AMPH: variants seen among roughly 807,000 people sequenced by gnomAD.
The protein encoded by AMPH is amphiphysin (Stiff-Mann syndrome with breast cancer 128kD autoantigen).
In AMPH, 49 loss-of-function variants were observed where a neutral mutation model predicts 99.1. That is an observed-to-expected ratio of 0.49 (90% CI 0.39 to 0.63). The LOEUF (loss-of-function observed/expected upper bound fraction) is 0.63, where lower values mean the gene tolerates loss of function less well. Ranked by LOEUF, AMPH falls within the 20% of genes least tolerant of loss-of-function variation. The pLI is 0.00. For synonymous variants in AMPH, 314 were observed against 317.3 expected (o/e 0.99, Z 0.11); for missense variants, 759 against 863.4 (o/e 0.88, Z 1.52).
intron 14 of AMPH, 173 bp downstream of exon 14, chr7:38,429,669 C>T: frequency 7.5e-7 from 1 of 1,335,260 alleles, no homozygotes; most frequent in Non-Finnish European, 1.0e-6. Context: ...CAAAGCTCTT[C>T]AGGCGAGTAG....
At position 38,384,906 on chromosome 7, in the gene AMPH, C is replaced by T; in HGVS notation, c.2000G>A (p.Gly667Glu). ...CTGAAGCCAGTCTGATTCCTTCACTCCCACCAGCCAGCCTGCATCCTGAAA... is the reference window on the plus strand; with the variant it reads ...CTGAAGCCAGTCTGATTCCTTCACTTCCACCAGCCAGCCTGCATCCTGAAA... ...EADQDAGWLV[G>E]VKESDWLQYR... The change falls in exon 21 of 21, where the codon GGA becomes GAA. Residue 667 changes from glycine (G) to glutamate (E), a missense_variant. Gly to Glu is a moderately conservative substitution (Grantham distance 98, BLOSUM62 -2). Coordinates refer to ENST00000356264, the MANE Select transcript of AMPH (RefSeq NM_001635.4). 1.2e-6 allele frequency: 2 copies of T among 1,613,606 alleles called. No homozygotes were observed. Among genetic ancestry groups the T allele is most frequent in the Non-Finnish European group, 8.5e-7 (1 of 1,179,670 alleles).
At position 38,463,034 on chromosome 7, in the gene AMPH, G is replaced by C; in HGVS notation, c.829C>G (p.Pro277Ala). 2 of 1,610,706 alleles carry C rather than the reference G, an allele frequency of 1.2e-6. No homozygotes were observed. Among genetic ancestry groups the C allele is most frequent in the Non-Finnish European group, 1.7e-6 (2 of 1,178,554 alleles). ...PSPLPSPTASPNHTLAPASPA... is the reference protein window; with the variant it reads ...PSPLPSPTASANHTLAPASPA... Reference sequence around the variant, plus strand: ...GACGCAGGTGCTAATGTATGATTTGGACTTGCTGTCGGGCTCGGGAGGGGT... The same window carrying C: ...GACGCAGGTGCTAATGTATGATTTGCACTTGCTGTCGGGCTCGGGAGGGGT... Residue 277 changes from proline to alanine, a missense_variant, in exon 10 of 21, where the codon CCA (proline) becomes GCA (alanine). Coordinates refer to ENST00000356264, the MANE Select transcript of AMPH (RefSeq NM_001635.4).
At chr7:38,447,829 T>C (rs963558592) in intron 11 of AMPH, among the ~76,000 whole-genome samples, 1 of 151,924 alleles carries the variant, frequency 6.6e-6, no homozygotes, top group Non-Finnish European at 1.5e-5. Context: ...GTAAGCCAGA[T>C]TACCATGAGG....
chr7:38,606,225 T>C (rs533298892), intron 1 of AMPH, among the ~76,000 whole-genome samples: 1 of 152,292 alleles, frequency 6.6e-6, no homozygotes, highest in South Asian at 2.1e-4. Flanking sequence ...GAGATTCAAA[T>C]AACATGAAAT....
intron 1 of AMPH, among the ~76,000 whole-genome samples, chr7:38,604,485 C>G (rs1183805128): frequency 6.6e-6 from 1 of 152,232 alleles, no homozygotes; most frequent in Non-Finnish European, 1.5e-5. Context: ...CGAGCACACA[C>G]TGCCCCAGCC....
At chr7:38,422,590 C>G (rs552667556) in intron 15 of AMPH, 113 bp from the exon 16 acceptor site, 2 of 774,038 alleles carry the variant, frequency 2.6e-6, no homozygotes, top group East Asian at 5.4e-5. Context: ...ATCTATCTAT[C>G]TATCTATCTA....
Position 38,408,487 on chromosome 7 carries a change from C to T in AMPH, c.1398+9338G>A, listed in dbSNP as rs191011377. Among the ~76,000 whole-genome samples the T allele has an allele frequency of 1.6e-3, 236 of 152,212 alleles. 2 individuals are homozygous for T. The highest frequency in any genetic ancestry group is 5.4e-3 in the African/African-American group (223 of 41,534). ...ATTTCTCCACATTACTTAGGCCGGGCGCAGTGGCTCACGCTTGTAATCCCA... is the reference window on the plus strand; with the variant it reads ...ATTTCTCCACATTACTTAGGCCGGGTGCAGTGGCTCACGCTTGTAATCCCA... On this transcript the variant is annotated intron_variant, in intron 17 of 20. Coordinates refer to ENST00000356264, the MANE Select transcript of AMPH (RefSeq NM_001635.4).
chr7:38,429,639 G>A, intron 14 of AMPH: 1 of 1,415,072 alleles, frequency 7.1e-7, no homozygotes, highest in Non-Finnish European at 9.4e-7. Flanking sequence ...ACAGAACATG[G>A]TAAGATTTGA....
At chr7:38,499,665 A>T (rs1789059795) in intron 3 of AMPH, among the ~76,000 whole-genome samples, 1 of 152,092 alleles carries the variant, frequency 6.6e-6, no homozygotes. Flanking sequence ...AAACAAGAAA[A>T]ATTGCCCATG....
chr7:38,567,153 T>C (rs972858094), intron 1 of AMPH, among the ~76,000 whole-genome samples: 1 of 152,212 alleles, frequency 6.6e-6, no homozygotes. Flanking sequence ...TGCTCATCAA[T>C]GATAGACTGG....
At chr7:38,497,246 T>A (rs960118338) in intron 3 of AMPH, among the ~76,000 whole-genome samples, 11 of 152,086 alleles carry the variant, frequency 7.2e-5, no homozygotes, top group Admixed American at 3.3e-4. Context: ...AAATACAAGT[T>A]CTCTTCAGAG....
chr7:38,502,549 G>A (rs1012893751), intron 3 of AMPH, among the ~76,000 whole-genome samples: 3 of 152,126 alleles, frequency 2.0e-5, no homozygotes, highest in Admixed American at 6.5e-5. Context: ...TGGGTTAAAC[G>A]AAGGTTGCCA....
intron 5 of AMPH, among the ~76,000 whole-genome samples, chr7:38,483,950 C>A (rs906757956): frequency 2.6e-5 from 4 of 151,726 alleles, no homozygotes; most frequent in African/African-American, 9.7e-5. Flanking sequence ...AATGACAGAA[C>A]TGAAAAATAC....
chr7:38,510,710 C>A (rs1584187003), intron 2 of AMPH, among the ~76,000 whole-genome samples: 1 of 152,272 alleles, frequency 6.6e-6, no homozygotes, highest in Middle Eastern at 3.4e-3. Context: ...AAGAGCCCAC[C>A]AGCTTGACCC....
chr7:38,493,662 C>T (rs983832617), intron 4 of AMPH, among the ~76,000 whole-genome samples: 1 of 152,118 alleles, frequency 6.6e-6, no homozygotes, highest in African/African-American at 2.4e-5. Context: ...TTCCTTTTCA[C>T]AGTCTGACTT....
chr7:38,448,592 C>T (rs552346626), intron 11 of AMPH, among the ~76,000 whole-genome samples: 3 of 152,170 alleles, frequency 2.0e-5, no homozygotes, highest in African/African-American at 7.2e-5. Context: ...GTCTCTCGCT[C>T]GCTTGCTCTC....
At chr7:38,403,211 G>A (rs889988949) in intron 17 of AMPH, among the ~76,000 whole-genome samples, 2 of 152,174 alleles carry the variant, frequency 1.3e-5, no homozygotes, top group African/African-American at 2.4e-5. Flanking sequence ...AAGCTGGGGT[G>A]TAGAAAAAGG....
intron 15 of AMPH, among the ~76,000 whole-genome samples, chr7:38,425,872 A>C (rs1785765202): frequency 6.6e-6 from 1 of 152,152 alleles, no homozygotes. Flanking sequence ...GCCCTTATAA[A>C]AGTTGTTACT....
chr7:38,416,127 T>TATATATATATATATATATATATATA (rs1249879361), intron 17 of AMPH, among the ~76,000 whole-genome samples: 1 of 66,470 alleles, frequency 1.5e-5, no homozygotes. Flanking sequence ...ATATATATAT[T>TATATATATATATATATATATATATA]AGCTATTACA....
Sources: gnomAD v4.1 joint callset for allele counts (sites outside exome capture counted in the v4.1 genomes callset) on GRCh38, gnomAD v4.1.1 for gene constraint, MANE v1.5 for transcripts, NCBI Gene and HGNC (gene_info 2026-07-23, HGNC 2026-07-21) for gene names.